The following HS6ST3 variants were observed in gnomAD, a reference collection of about 807,000 sequenced individuals.
HS6ST3 encodes the protein heparan sulfate 6-O-sulfotransferase 3.
Under a neutral mutation model 36.7 loss-of-function variants are expected in HS6ST3, and 12 were observed. That is an observed-to-expected ratio of 0.33 (90% CI 0.21 to 0.53). The LOEUF (loss-of-function observed/expected upper bound fraction) is 0.53. Among genes scored for constraint, HS6ST3 ranks in the 20% least tolerant of loss-of-function variants. HS6ST3 has a pLI of 0.95. For missense variants in HS6ST3, 584 were observed against 640.9 expected (o/e 0.91, Z 0.96); for synonymous variants, 240 against 257.5 (o/e 0.93, Z 0.65).
chr13:96,326,900 G>A (rs957997903), intron 1 of HS6ST3, among the ~76,000 whole-genome samples: 14 of 150,202 alleles, frequency 9.3e-5, no homozygotes, highest in Non-Finnish European at 1.9e-4. Flanking sequence ...ATCTCATTGT[G>A]GTTTTGATTT....
rs1566456742 is a variant in HS6ST3 at position 96,799,948 on chromosome 13, A to ATATATATATATGTGTG, written c.708-32531_708-32530insGTGTGTATATATATAT. ...TTTGAATACATATATGTGTGTGTAT[A>ATATATATATATGTGTG]TATATATATATATATGTGTATATAT... is the stretch of plus-strand genomic sequence containing the variant. On this transcript the variant is annotated intron_variant, in intron 1 of 1. Coordinates refer to ENST00000376705, the MANE Select transcript of HS6ST3 (RefSeq NM_153456.4). 1.0e-3 allele frequency among the ~76,000 whole-genome samples: 102 copies of ATATATATATATGTGTG among 101,252 alleles called. 1 individual carries two copies. The South Asian group carries it at 0.012, about 12-fold the overall frequency. The allele number at this position is 101,252 out of a possible 152,430, so 66.4% of individuals were successfully genotyped here.
chr13:96,692,316 A>G (rs1482887631), intron 1 of HS6ST3, among the ~76,000 whole-genome samples: 2 of 152,286 alleles, frequency 1.3e-5, no homozygotes, highest in African/African-American at 2.4e-5. Context: ...TAGATTACTT[A>G]TATTACCTAA....
intron 1 of HS6ST3, among the ~76,000 whole-genome samples, chr13:96,335,418 C>T (rs957097658): frequency 3.3e-5 from 5 of 152,208 alleles, no homozygotes; most frequent in Non-Finnish European, 5.9e-5. Flanking sequence ...TTGGGGGCCC[C>T]TGTGACGTGC....
intron 1 of HS6ST3, among the ~76,000 whole-genome samples, chr13:96,809,829 G>C (rs1423063756): frequency 6.6e-6 from 1 of 152,148 alleles, no homozygotes; most frequent in Non-Finnish European, 1.5e-5. Flanking sequence ...AACCTCTTTG[G>C]TCCCTTGAAA....
At chr13:96,248,050 C>T (rs960686228) in intron 1 of HS6ST3, among the ~76,000 whole-genome samples, 3 of 152,112 alleles carry the variant, frequency 2.0e-5, no homozygotes, top group African/African-American at 7.2e-5. Context: ...ATAAATCAGA[C>T]TTACTTATAG....
At chr13:96,414,073 A>G (rs1033639069) in intron 1 of HS6ST3, among the ~76,000 whole-genome samples, 17 of 152,140 alleles carry the variant, frequency 1.1e-4, no homozygotes, top group Non-Finnish European at 5.9e-5. Context: ...GTTCTTTTAA[A>G]CCTACATGGT....
chr13:96,252,928 C>A (rs999038605), intron 1 of HS6ST3, among the ~76,000 whole-genome samples: 2 of 152,208 alleles, frequency 1.3e-5, no homozygotes, highest in South Asian at 4.2e-4. Context: ...CTGCAGCCTG[C>A]AGAACCATGA....
chr13:96,682,848 T>C (rs1273488083), intron 1 of HS6ST3, among the ~76,000 whole-genome samples: 2 of 152,130 alleles, frequency 1.3e-5, no homozygotes, highest in Non-Finnish European at 2.9e-5. Flanking sequence ...CAGAATAGCA[T>C]CTTATTAGTG....
At chr13:96,677,013 A>C (rs1226250733) in intron 1 of HS6ST3, among the ~76,000 whole-genome samples, 1 of 152,178 alleles carries the variant, frequency 6.6e-6, no homozygotes, top group East Asian at 1.9e-4. Context: ...TCTTTTTTCA[A>C]ATACTTACTA....
At chr13:96,490,000 C>T (rs1328364834) in intron 1 of HS6ST3, among the ~76,000 whole-genome samples, 1 of 152,096 alleles carries the variant, frequency 6.6e-6, no homozygotes, top group Non-Finnish European at 1.5e-5. Context: ...ATCCCTTCTA[C>T]TCATACTTAG....
rs546395566 is a variant in HS6ST3 at position 96,491,456 on chromosome 13, T to C, written c.708-341034T>C. Among the ~76,000 whole-genome samples, 48 of 140,978 alleles carry C rather than the reference T, an allele frequency of 3.4e-4. No homozygotes were observed. In the South Asian group the frequency reaches 0.01, roughly 30 times the overall value. The allele number at this position is 140,978 out of a possible 152,430, so 92.5% of individuals were successfully genotyped here. A position where few individuals can be genotyped will look rare whatever the true frequency, so the allele number is the denominator to read the frequency against. ...TATAAAGTTATTGGTAACTTTATAA[T>C]TGTAGTACTAATGTGCAAAAAAAAA... On this transcript the variant is annotated intron_variant, in intron 1 of 1. Coordinates refer to ENST00000376705, the MANE Select transcript of HS6ST3 (RefSeq NM_153456.4).
At chr13:96,220,860 T>G (rs575959899) in intron 1 of HS6ST3, among the ~76,000 whole-genome samples, 1 of 152,306 alleles carries the variant, frequency 6.6e-6, no homozygotes, top group Admixed American at 6.5e-5. Flanking sequence ...TTGCAGTTAC[T>G]AAAACCATGA....
chr13:96,123,240 T>C (rs2053934773), intron 1 of HS6ST3, among the ~76,000 whole-genome samples: 1 of 152,244 alleles, frequency 6.6e-6, no homozygotes, highest in Non-Finnish European at 1.5e-5. Flanking sequence ...TTATTACCAA[T>C]GCTTAACAAT....
chr13:96,819,960 C>G (rs1266846602), intron 1 of HS6ST3, among the ~76,000 whole-genome samples: 1 of 152,036 alleles, frequency 6.6e-6, no homozygotes, highest in Non-Finnish European at 1.5e-5. Context: ...CCTGTAATCC[C>G]AGGTACTTGG....
At chr13:96,404,920 T>A (rs566954128) in intron 1 of HS6ST3, among the ~76,000 whole-genome samples, 3 of 152,176 alleles carry the variant, frequency 2.0e-5, no homozygotes, top group Non-Finnish European at 4.4e-5. Context: ...TTTCCTGCGT[T>A]GTGCTGGTGA....
chr13:96,090,812 C>A lies in HS6ST3; in HGVS notation c.-51C>A. The A allele has an allele frequency of 1.4e-6, 2 of 1,435,544 alleles. No homozygotes were observed. Among genetic ancestry groups the A allele is most frequent in the South Asian group, 2.8e-5 (2 of 71,988 alleles). The allele number at this position is 1,435,544 out of a possible 1,614,324, so 88.9% of individuals were successfully genotyped here. A position where few individuals can be genotyped will look rare whatever the true frequency, so the allele number is the denominator to read the frequency against. ...AAACTTCCGAGCGGGCGCCCGTCCG[C>A]CCTGCCGCCGCCGCCGCCGCCGCTT... On this transcript the variant is annotated 5_prime_UTR_variant, in exon 1 of 2. Coordinates refer to ENST00000376705, the MANE Select transcript of HS6ST3 (RefSeq NM_153456.4).
chr13:96,409,817 A>G (rs970487763), intron 1 of HS6ST3, among the ~76,000 whole-genome samples: 3 of 152,168 alleles, frequency 2.0e-5, no homozygotes, highest in Non-Finnish European at 4.4e-5. Context: ...ATGAGCCACA[A>G]ACAGAAAGCC....
chr13:96,830,945 C>T (rs1030439551), intron 1 of HS6ST3, among the ~76,000 whole-genome samples: 2 of 152,180 alleles, frequency 1.3e-5, no homozygotes, highest in South Asian at 2.1e-4. Context: ...TGGAAGACAG[C>T]TTGCGGGCCT....
At chr13:96,367,037 T>A in intron 1 of HS6ST3, among the ~76,000 whole-genome samples, 1 of 152,216 alleles carries the variant, frequency 6.6e-6, no homozygotes, top group East Asian at 1.9e-4. Flanking sequence ...CTCTTTTTCT[T>A]TATTAGTTAC....
Sources: allele counts gnomAD v4.1 joint callset (sites outside exome capture counted in the v4.1 genomes callset), GRCh38; gene constraint gnomAD v4.1.1; transcripts MANE v1.5; gene names NCBI Gene and HGNC (gene_info 2026-07-23, HGNC 2026-07-21).